Variants in ASTN2 observed in about 807,000 individuals in gnomAD.
ASTN2 encodes the protein astrotactin 2.
Under a neutral mutation model 139.8 loss-of-function variants are expected in ASTN2, and 54 were observed. The ratio of observed to expected loss-of-function variants is 0.39; its 90% CI spans 0.31 to 0.48. ASTN2 has a LOEUF of 0.48. Among genes scored for constraint, ASTN2 ranks in the 20% least tolerant of loss-of-function variants. The pLI, the probability that ASTN2 is intolerant of heterozygous loss-of-function variation, is 0.95. For missense variants in ASTN2, 1,565 were observed against 1,725.1 expected, an observed-to-expected ratio of 0.91 and a Z score of 1.64; for synonymous variants, 756 against 719.5, an observed-to-expected ratio of 1.05 and a Z score of -0.81.
intron 19 of ASTN2, among the ~76,000 whole-genome samples, chr9:116,523,552 T>C (rs1199907983): frequency 5.3e-5 from 8 of 152,168 alleles, no homozygotes; most frequent in African/African-American, 1.9e-4. Context: ...AATGCCTCCT[T>C]TGCAGCACTG....
intron 19 of ASTN2, chr9:116,611,391 C>G (rs895454517): frequency 1.3e-5 from 2 of 151,668 alleles, no homozygotes; most frequent in Non-Finnish European, 2.9e-5. Flanking sequence ...GTAAGCCAAA[C>G]AAAGAAAATT....
At position 116,841,270 on chromosome 9, in the gene ASTN2, G is replaced by A. The variant is rs187013005; in HGVS notation, c.2041-20487C>T. ...CGTGCACCTGCAATCGCAGGCACTC[G>A]GCAAGCTGAGGCAGGAGAATCAGGC... On this transcript the variant is annotated intron_variant, in intron 11 of 22. Transcript: ENST00000313400. Among the ~76,000 whole-genome samples the A allele has an allele frequency of 6.7e-3, 1,014 of 152,254 alleles. 10 individuals are homozygous for A. Among genetic ancestry groups the A allele is most frequent in the African/African-American group, 0.024 (982 of 41,544 alleles).
At chr9:116,802,187 C>T (rs1049629553) in intron 13 of ASTN2, among the ~76,000 whole-genome samples, 19 of 150,382 alleles carry the variant, frequency 1.3e-4, no homozygotes, top group Non-Finnish European at 2.1e-4. Context: ...CCCGGGTTTA[C>T]GCCCTTCTCC....
chr9:117,129,587 T>C (rs986081155), intron 4 of ASTN2, among the ~76,000 whole-genome samples: 1 of 152,184 alleles, frequency 6.6e-6, no homozygotes, highest in African/African-American at 2.4e-5. Context: ...ATAGTGTAGT[T>C]AAATTTTTCT....
At chr9:117,086,687 T>G (rs1828571507) in intron 5 of ASTN2, among the ~76,000 whole-genome samples, 1 of 152,154 alleles carries the variant, frequency 6.6e-6, no homozygotes, top group Admixed American at 6.5e-5. Flanking sequence ...CTTTCTCCCC[T>G]GGCTTTCCAC....
chr9:116,731,679 C>A (rs906938071), intron 14 of ASTN2, among the ~76,000 whole-genome samples: 2 of 152,172 alleles, frequency 1.3e-5, no homozygotes, highest in Admixed American at 6.5e-5. Flanking sequence ...CTGCCTCGGA[C>A]TCCCAAAGTG....
intron 10 of ASTN2, among the ~76,000 whole-genome samples, chr9:116,954,786 T>C (rs1835664774): frequency 1.3e-5 from 2 of 152,234 alleles, no homozygotes; most frequent in Non-Finnish European, 2.9e-5. Flanking sequence ...CCACTCTGAA[T>C]AGTCTAATGC....
In ASTN2 at chr9:116,865,852, T is replaced by C. The variant is rs77022420; in HGVS notation, c.1890-2119A>G. 2.2e-4 allele frequency among the ~76,000 whole-genome samples: 33 copies of C among 152,330 alleles called. No homozygotes were observed. In the East Asian group the frequency reaches 6.2e-3, roughly 29 times the overall value. On this transcript the variant is annotated intron_variant, in intron 10 of 22. Coordinates refer to ENST00000313400, the MANE Select transcript of ASTN2 (RefSeq NM_001365068.1). Reference sequence around the variant, plus strand: ...TACGTGAAGAAATCCTAAGAATCTTTGAAAACTCTTCATATTCATTCATTC... The same window carrying C: ...TACGTGAAGAAATCCTAAGAATCTTCGAAAACTCTTCATATTCATTCATTC...
chr9:116,501,954 C>A (rs980514620), intron 19 of ASTN2, among the ~76,000 whole-genome samples: 1 of 151,926 alleles, frequency 6.6e-6, no homozygotes. Context: ...CACACACACA[C>A]AAAAAGCATA....
At chr9:116,916,373 G>A (rs1339249895) in intron 10 of ASTN2, among the ~76,000 whole-genome samples, 1 of 152,200 alleles carries the variant, frequency 6.6e-6, no homozygotes, top group Non-Finnish European at 1.5e-5. Flanking sequence ...TCACAGCCAT[G>A]AAAGATGGTT....
intron 19 of ASTN2, among the ~76,000 whole-genome samples, chr9:116,564,950 T>A (rs190408148): frequency 1.3e-5 from 2 of 152,266 alleles, no homozygotes; most frequent in Non-Finnish European, 2.9e-5. Flanking sequence ...TTAACTCCTC[T>A]AAGCATCATT....
In ASTN2 at chr9:116,706,970, G is replaced by A. The variant is rs112008710; in HGVS notation, c.2806+18801C>T. ...TGGCCCTGGGTCATGTGTCTTGGTC[G>A]AGACTTACCTGTGTCTCTGAATTGT... On this transcript the variant is annotated intron_variant, in intron 16 of 22. Coordinates refer to ENST00000313400, the MANE Select transcript of ASTN2 (RefSeq NM_001365068.1). 5.0e-3 allele frequency among the ~76,000 whole-genome samples: 757 copies of A among 151,958 alleles called. 5 individuals are homozygous for A. The highest frequency in any genetic ancestry group is 0.018 in the African/African-American group (733 of 41,466).
chr9:116,690,690 A>G (rs1860522165), intron 16 of ASTN2, among the ~76,000 whole-genome samples: 1 of 152,208 alleles, frequency 6.6e-6, no homozygotes. Context: ...GGGAGTTGAT[A>G]CTGGGATTTG....
chr9:116,873,678 G>A (rs1313070646), intron 10 of ASTN2, among the ~76,000 whole-genome samples: 2 of 152,198 alleles, frequency 1.3e-5, no homozygotes, highest in African/African-American at 4.8e-5. Context: ...ATGTTGAATT[G>A]TAATCCTCAA....
chr9:117,050,072 G>T (rs1408163476), intron 5 of ASTN2, among the ~76,000 whole-genome samples: 1 of 152,036 alleles, frequency 6.6e-6, no homozygotes, highest in Non-Finnish European at 1.5e-5. Flanking sequence ...AGATACTGTT[G>T]TCTGATACCC....
chr9:117,113,021 T>C (rs936909983), intron 4 of ASTN2, among the ~76,000 whole-genome samples: 1 of 152,152 alleles, frequency 6.6e-6, no homozygotes, highest in Non-Finnish European at 1.5e-5. Context: ...GAGACATAAA[T>C]TATATCACAA....
rs1837249634 is a variant in ASTN2 at position 117,003,530 on chromosome 9, G to GGTGTGTGTGTGTGTGTGTATGTGTGT, written c.1591+4561_1591+4562insACACACATACACACACACACACACAC. 1.9e-5 allele frequency among the ~76,000 whole-genome samples: 2 copies of GGTGTGTGTGTGTGTGTGTATGTGTGT among 103,188 alleles called. 1 individual carries two copies. The highest frequency in any genetic ancestry group is 7.2e-5 in the African/African-American group (2 of 27,750). 67.7% of individuals were successfully genotyped at this position (103,188 alleles called of 152,430 possible). A position where few individuals can be genotyped will look rare whatever the true frequency, so the allele number is the denominator to read the frequency against. ...AGTGATATTTCCAGCTCTAAAGAGTGGTGTGTGTGTGTGTGTGTGTGTGTA... is the reference window on the plus strand; with the variant it reads ...AGTGATATTTCCAGCTCTAAAGAGTGGTGTGTGTGTGTGTGTGTATGTGTGTGTGTGTGTGTGTGTGTGTGTGTGTA... On this transcript the variant is annotated intron_variant, in intron 7 of 22. Transcript: ENST00000313400.
intron 1 of ASTN2, among the ~76,000 whole-genome samples, chr9:117,305,924 T>C (rs1419371887): frequency 6.6e-6 from 1 of 152,162 alleles, no homozygotes; most frequent in Non-Finnish European, 1.5e-5. Flanking sequence ...GCTACTACTA[T>C]CTCCTCTGCG....
At chr9:116,796,100 G>C (rs2132230222) in intron 13 of ASTN2, among the ~76,000 whole-genome samples, 1 of 152,308 alleles carries the variant, frequency 6.6e-6, no homozygotes, top group East Asian at 1.9e-4. Context: ...TGGGACTTCT[G>C]TCTGCCAAGG....
Sources: allele counts gnomAD v4.1 joint callset (sites outside exome capture counted in the v4.1 genomes callset), GRCh38; gene constraint gnomAD v4.1.1; transcripts MANE v1.5; gene names NCBI Gene and HGNC (gene_info 2026-07-23, HGNC 2026-07-21).